TRAPPC8: variants seen among roughly 807,000 people sequenced by gnomAD.
TRAPPC8 encodes the protein general sporulation gene 1 homolog.
Under a neutral mutation model 174.3 loss-of-function variants are expected in TRAPPC8, and 54 were observed. The ratio of observed to expected loss-of-function variants is 0.31; its 90% CI spans 0.25 to 0.39. The LOEUF (loss-of-function observed/expected upper bound fraction) is 0.39, where lower values mean the gene tolerates loss of function less well. Ranked by LOEUF, TRAPPC8 falls within the 10% of genes least tolerant of loss-of-function variation. TRAPPC8 has a pLI of 1.00. For synonymous variants in TRAPPC8, 630 were observed against 579.9 expected, an observed-to-expected ratio of 1.09 and a Z score of -1.24; for missense variants, 1,531 against 1,699.1, an observed-to-expected ratio of 0.90 and a Z score of 1.74.
intron 12 of TRAPPC8, among the ~76,000 whole-genome samples, chr18:31,875,427 T>A (rs1374671914): frequency 6.6e-6 from 1 of 152,034 alleles, no homozygotes; most frequent in Non-Finnish European, 1.5e-5. Context: ...CCTGCCTGCC[T>A]GCCTGCCTGC....
intron 21 of TRAPPC8, 43 bp downstream of exon 21, chr18:31,855,617 T>A: frequency 1.3e-6 from 2 of 1,555,386 alleles, no homozygotes; most frequent in African/African-American, 2.8e-5. Context: ...GGGAAACACT[T>A]CAAATATAAT....
At chr18:31,909,542 A>G in intron 6 of TRAPPC8, 125 bp downstream of exon 6, 1 of 1,410,470 alleles carries the variant, frequency 7.1e-7, no homozygotes, top group Middle Eastern at 2.0e-4. Context: ...AGAAAAACTA[A>G]CCTGCCCAAT....
intron 2 of TRAPPC8, among the ~76,000 whole-genome samples, chr18:31,926,927 A>G (rs924742090): frequency 2.8e-4 from 42 of 152,164 alleles, no homozygotes; most frequent in African/African-American, 1.0e-3. Flanking sequence ...GTCAATAAAT[A>G]AAACTTATTT....
Position 31,936,986 on chromosome 18 carries a change from G to A in TRAPPC8, c.158-5463C>T, listed in dbSNP as rs547252013. Among the ~76,000 whole-genome samples the A allele has an allele frequency of 1.1e-3, 170 of 151,800 alleles. 1 individual carries two copies. Among genetic ancestry groups the A allele is most frequent in the African/African-American group, 3.9e-3 (163 of 41,400 alleles). On this transcript the variant is annotated intron_variant, in intron 1 of 28. Transcript: ENST00000283351. Reference sequence around the variant, plus strand: ...CCAACACTTTGGGAGGCCAAGGCGGGTGGATCACGAGGTCAGGAGATCAAG... The same window carrying A: ...CCAACACTTTGGGAGGCCAAGGCGGATGGATCACGAGGTCAGGAGATCAAG...
intron 20 of TRAPPC8, 103 bp downstream of exon 20, chr18:31,857,437 A>G (rs3810001): frequency 0.27 from 265,963 of 969,816 alleles, 39,640 homozygotes; most frequent in South Asian, 0.51. Context: ...AATCTGGAAC[A>G]GAGTAATTTC....
intron 13 of TRAPPC8, chr18:31,873,949 A>T (rs1054553625): frequency 5.7e-6 from 1 of 173,918 alleles, no homozygotes; most frequent in South Asian, 1.5e-4. Context: ...TTGGGAAAAA[A>T]TTTACAACTT....
chr18:31,885,753 G>A (rs187479053), intron 12 of TRAPPC8, among the ~76,000 whole-genome samples: 31 of 151,648 alleles, frequency 2.0e-4, no homozygotes, highest in South Asian at 1.3e-3. Flanking sequence ...CCAGCTACTC[G>A]GGAGGCTGAG....
At chr18:31,936,875 C>A (rs531213681) in intron 1 of TRAPPC8, among the ~76,000 whole-genome samples, 282 of 124,560 alleles carry the variant, frequency 2.3e-3, no homozygotes, top group Non-Finnish European at 3.6e-3. Flanking sequence ...GCACTGCAGT[C>A]TGGGTGACAG....
At chr18:31,863,659 C>A (rs2034442489) in intron 19 of TRAPPC8, among the ~76,000 whole-genome samples, 1 of 152,176 alleles carries the variant, frequency 6.6e-6, no homozygotes, top group African/African-American at 2.4e-5. Context: ...TTTGGTATCA[C>A]TGGCACTTTT....
chr18:31,882,559 T>C (rs1568086472), intron 12 of TRAPPC8, among the ~76,000 whole-genome samples: 1 of 152,088 alleles, frequency 6.6e-6, no homozygotes, highest in Non-Finnish European at 1.5e-5. Flanking sequence ...AATCACAGCA[T>C]TACACAATAT....
intron 1 of TRAPPC8, among the ~76,000 whole-genome samples, chr18:31,933,776 G>T: frequency 6.6e-6 from 1 of 151,038 alleles, no homozygotes; most frequent in African/African-American, 2.4e-5. Context: ...CATTTCCTAT[G>T]TGTTCTATTG....
intron 26 of TRAPPC8, 102 bp downstream of exon 26, chr18:31,846,604 AAAACCTGAAC>A (rs2033419010): frequency 2.4e-6 from 2 of 841,426 alleles, no homozygotes; most frequent in Non-Finnish European, 3.7e-6. Flanking sequence ...ACCAAAAAAC[AAAACCTGAAC>A]AAACCAGACC....
Position 31,876,489 on chromosome 18 carries a change from C to CAAAAAAAAAAAAAAAAAAAAA in TRAPPC8, c.1729-1806_1729-1786dup, listed in dbSNP as rs71175801. Among the ~76,000 whole-genome samples, 105 of 48,694 alleles carry CAAAAAAAAAAAAAAAAAAAAA rather than the reference C, an allele frequency of 2.2e-3. 11 individuals are homozygous for CAAAAAAAAAAAAAAAAAAAAA. Among genetic ancestry groups the CAAAAAAAAAAAAAAAAAAAAA allele is most frequent in the African/African-American group, 2.6e-3 (28 of 10,622 alleles). The allele number at this position is 48,694 out of a possible 152,430, so 31.9% of individuals were successfully genotyped here. A position where few individuals can be genotyped will look rare whatever the true frequency, so the allele number is the denominator to read the frequency against. On this transcript the variant is annotated intron_variant, in intron 12 of 28. Coordinates refer to ENST00000283351, the MANE Select transcript of TRAPPC8 (RefSeq NM_014939.5). ...TGGGCTACACTGCGAGACTCCATCTCAAAAAAAAAAAAAAAAAAAAAAAGA... is the reference window on the plus strand; with the variant it reads ...TGGGCTACACTGCGAGACTCCATCTCAAAAAAAAAAAAAAAAAAAAAAAAAAAAAAAAAAAAAAAAAAAAGA...
Position 31,873,527 on chromosome 18 carries a change from C to G in TRAPPC8, c.1965G>C (p.Gln655His), listed in dbSNP as rs781215156. Residue 655 changes from glutamine (Q) to histidine (H), a missense_variant, in exon 14 of 29, where the codon CAG (glutamine) becomes CAC (histidine). Coordinates refer to ENST00000283351, the MANE Select transcript of TRAPPC8 (RefSeq NM_014939.5). ...GTGGCAAAGGACCATCTGGTGACAG[C>G]TGACTTACATTCTGAGAGAAATATA... Reference protein sequence around the residue: ...EYLYVYKNVSQLSPDGPLPQL... With the variant: ...EYLYVYKNVSHLSPDGPLPQL... 1.9e-6 allele frequency: 3 copies of G among 1,611,152 alleles called. No homozygotes were observed. In the African/African-American group the frequency reaches 4.0e-5, roughly 22 times the overall value.
intron 9 of TRAPPC8, among the ~76,000 whole-genome samples, chr18:31,907,180 A>C (rs994745735): frequency 1.8e-4 from 28 of 152,180 alleles, no homozygotes; most frequent in African/African-American, 6.5e-4. Flanking sequence ...ATGCAATCTT[A>C]CTATGTTGCT....
rs111493005 is a variant in TRAPPC8 at position 31,858,888 on chromosome 18, T to C, written c.2746-906A>G. ...TGGATCCCAGAGTTGGTGGATCCCTTGAGCTCAGGAGTTCAAAACCAGCCT... is the reference window on the plus strand; with the variant it reads ...TGGATCCCAGAGTTGGTGGATCCCTCGAGCTCAGGAGTTCAAAACCAGCCT... On this transcript the variant is annotated intron_variant, in intron 19 of 28. Coordinates refer to ENST00000283351, the MANE Select transcript of TRAPPC8 (RefSeq NM_014939.5). 3.0e-3 allele frequency among the ~76,000 whole-genome samples: 456 copies of C among 152,236 alleles called. 2 individuals carry two copies. The highest frequency in any genetic ancestry group is 9.6e-3 in the African/African-American group (398 of 41,542).
intron 12 of TRAPPC8, among the ~76,000 whole-genome samples, chr18:31,884,917 G>A (rs1280661919): frequency 6.6e-5 from 10 of 150,878 alleles, no homozygotes; most frequent in Admixed American, 1.3e-4. Context: ...GCAGTGGCGC[G>A]ATATCAGCTC....
intron 19 of TRAPPC8, among the ~76,000 whole-genome samples, chr18:31,861,937 G>GGA (rs1555661334): frequency 6.0e-5 from 2 of 33,432 alleles, no homozygotes; most frequent in Non-Finnish European, 9.7e-5. Context: ...AAAAAAAAAA[G>GGA]GGGGGGGGGG....
intron 27 of TRAPPC8, among the ~76,000 whole-genome samples, chr18:31,834,379 G>GGATTAC (rs2032584065): frequency 6.6e-6 from 1 of 152,084 alleles, no homozygotes; most frequent in South Asian, 2.1e-4. Flanking sequence ...CAAAGTGCTG[G>GGATTAC]GATTACAGGT....
Sources: gnomAD v4.1 joint callset for allele counts (sites outside exome capture counted in the v4.1 genomes callset) on GRCh38, gnomAD v4.1.1 for gene constraint, MANE v1.5 for transcripts, NCBI Gene and HGNC (gene_info 2026-07-23, HGNC 2026-07-21) for gene names.